The following CDYL2 variants were observed in gnomAD, a reference collection of about 807,000 sequenced individuals.
CDYL2 encodes the protein chromodomain Y-like protein 2.
A neutral mutation model predicts 49.4 loss-of-function variants in CDYL2; 23 were observed. The ratio of observed to expected loss-of-function variants is 0.47; its 90% CI spans 0.34 to 0.66. The LOEUF is 0.66. Ranked by LOEUF, CDYL2 falls within the 30% of genes least tolerant of loss-of-function variation. CDYL2 has a pLI of 0.01. For synonymous variants in CDYL2, 360 were observed against 268.8 expected, an observed-to-expected ratio of 1.34 and a Z score of -3.32; for missense variants, 678 against 656.4, an observed-to-expected ratio of 1.03 and a Z score of -0.36.
At chr16:80,723,394 T>G (rs898199532) in intron 1 of CDYL2, among the ~76,000 whole-genome samples, 7 of 152,230 alleles carry the variant, frequency 4.6e-5, no homozygotes, top group Non-Finnish European at 8.8e-5. Context: ...TTGCATTCTG[T>G]CTGTGGCTGA....
intron 2 of CDYL2, among the ~76,000 whole-genome samples, chr16:80,650,347 C>A (rs1908532270): frequency 6.6e-6 from 1 of 152,080 alleles, no homozygotes. Flanking sequence ...AAATGGCAAA[C>A]AGGGATATGA....
At chr16:80,632,444 G>A (rs1294890001) in intron 3 of CDYL2, among the ~76,000 whole-genome samples, 2 of 152,226 alleles carry the variant, frequency 1.3e-5, no homozygotes, top group Non-Finnish European at 2.9e-5. Context: ...TCATGTGGGT[G>A]AGGTTTCTCC....
At chr16:80,613,638 T>C (rs535389379) in intron 4 of CDYL2, among the ~76,000 whole-genome samples, 57 of 152,322 alleles carry the variant, frequency 3.7e-4, no homozygotes, top group African/African-American at 1.2e-3. Context: ...GCATGTACCT[T>C]TACCAATTAC....
intron 2 of CDYL2, among the ~76,000 whole-genome samples, chr16:80,660,106 A>G (rs1346546929): frequency 6.6e-6 from 1 of 152,178 alleles, no homozygotes; most frequent in African/African-American, 2.4e-5. Context: ...CAGCATTTAA[A>G]GGACCACATA....
chr16:80,662,307 A>T (rs1245384314), intron 2 of CDYL2, among the ~76,000 whole-genome samples: 1 of 152,204 alleles, frequency 6.6e-6, no homozygotes, highest in Non-Finnish European at 1.5e-5. Flanking sequence ...GGCTTGAGAC[A>T]TCAGAACACA....
intron 1 of CDYL2, among the ~76,000 whole-genome samples, chr16:80,768,988 T>A (rs1906818208): frequency 6.6e-6 from 1 of 152,190 alleles, no homozygotes; most frequent in Non-Finnish European, 1.5e-5. Context: ...ACCAGCCTCC[T>A]ACTTGAAAAT....
chr16:80,780,276 A>T (rs1269569077), intron 1 of CDYL2, among the ~76,000 whole-genome samples: 2 of 152,130 alleles, frequency 1.3e-5, no homozygotes, highest in Non-Finnish European at 2.9e-5. Context: ...CAATAATGTG[A>T]AGTGATTTAT....
intron 2 of CDYL2, among the ~76,000 whole-genome samples, chr16:80,651,403 G>A (rs369652957): frequency 3.3e-5 from 5 of 152,218 alleles, no homozygotes; most frequent in Middle Eastern, 3.4e-3. Flanking sequence ...AGTATAAAAA[G>A]GTAAAAAGAT....
intron 1 of CDYL2, among the ~76,000 whole-genome samples, chr16:80,776,791 T>C (rs889575278): frequency 2.0e-5 from 3 of 151,748 alleles, no homozygotes; most frequent in Non-Finnish European, 4.4e-5. Flanking sequence ...CAACATATAT[T>C]TTAGGGATGC....
chr16:80,755,697 ATC>A (rs1906287981), intron 1 of CDYL2, among the ~76,000 whole-genome samples: 1 of 152,244 alleles, frequency 6.6e-6, no homozygotes, highest in Admixed American at 6.5e-5. Context: ...CACAAAGAAC[ATC>A]TGACAACACC....
chr16:80,785,559 T>A (rs1284658882), intron 1 of CDYL2, among the ~76,000 whole-genome samples: 1 of 152,132 alleles, frequency 6.6e-6, no homozygotes, highest in African/African-American at 2.4e-5. Context: ...ATAGATTCAA[T>A]GCTATCCCCA....
chr16:80,800,883 T>C (rs542170910), intron 1 of CDYL2, among the ~76,000 whole-genome samples: 2 of 152,334 alleles, frequency 1.3e-5, no homozygotes, highest in African/African-American at 4.8e-5. Flanking sequence ...TAGCAAAAGA[T>C]TGACTAGAAT....
intron 1 of CDYL2, among the ~76,000 whole-genome samples, chr16:80,792,903 G>T (rs1049220494): frequency 6.6e-6 from 1 of 152,186 alleles, no homozygotes; most frequent in Non-Finnish European, 1.5e-5. Flanking sequence ...CCGACGCTGG[G>T]ATATAAGGGC....
intron 2 of CDYL2, among the ~76,000 whole-genome samples, chr16:80,654,407 T>A (rs1043296572): frequency 2.0e-5 from 3 of 152,216 alleles, no homozygotes; most frequent in Non-Finnish European, 4.4e-5. Flanking sequence ...TGGTGGCTCT[T>A]ATTTGCTTTA....
intron 1 of CDYL2, among the ~76,000 whole-genome samples, chr16:80,755,756 A>G (rs944217369): frequency 2.0e-4 from 31 of 152,236 alleles, no homozygotes; most frequent in Admixed American, 1.3e-4. Context: ...TAAATTATGG[A>G]TGTAACTTAA....
Position 80,604,495 on chromosome 16 carries a change from C to A in CDYL2, c.1414G>T (p.Glu472Ter). 6.2e-7 allele frequency: 1 copy of A among 1,614,206 alleles called. No individual in the cohort carries two copies. Residue 472 changes from glutamate (E) to a stop codon, truncating the protein, a stop_gained, in exon 7 of 7, where the codon GAA (glutamate) becomes TAA (stop). Transcript: ENST00000570137. LOFTEE classifies it high-confidence loss of function. ...LVRSFLKSVL[E>*]DVNEKECLML... is the part of the protein sequence containing the mutation. The stretch of plus-strand genomic sequence containing the variant: ...AGGCATTCCTTCTCGTTCACGTCTT[C>A]CAGCACTGATTTCAGGAAGCTCCGC...
intron 1 of CDYL2, among the ~76,000 whole-genome samples, chr16:80,732,014 G>C (rs1262478233): frequency 1.3e-5 from 2 of 152,046 alleles, no homozygotes; most frequent in Non-Finnish European, 2.9e-5. Flanking sequence ...GATTGAAACA[G>C]GATAGAAATT....
intron 4 of CDYL2, among the ~76,000 whole-genome samples, chr16:80,620,338 G>A (rs937453146): frequency 1.3e-5 from 2 of 152,184 alleles, no homozygotes; most frequent in African/African-American, 4.8e-5. Flanking sequence ...CCTCCCCACT[G>A]CTGAGCTACG....
intron 2 of CDYL2, among the ~76,000 whole-genome samples, chr16:80,645,379 A>C (rs1222064735): frequency 6.6e-6 from 1 of 152,244 alleles, no homozygotes; most frequent in Admixed American, 6.5e-5. Flanking sequence ...AAGACATATG[A>C]AAAAATGCTC....
Sources: gnomAD v4.1 joint callset for allele counts (sites outside exome capture counted in the v4.1 genomes callset) on GRCh38, gnomAD v4.1.1 for gene constraint, MANE v1.5 for transcripts, NCBI Gene and HGNC (gene_info 2026-07-23, HGNC 2026-07-21) for gene names.